THSD7B: variants seen among roughly 807,000 people sequenced by gnomAD.
The protein encoded by THSD7B is thrombospondin type 1 domain containing 7B, also known as thrombospondin type-1 domain-containing protein 7B.
A neutral mutation model predicts 213.6 loss-of-function variants in THSD7B; 138 were observed. The ratio of observed to expected loss-of-function variants is 0.65; its 90% CI spans 0.56 to 0.74. The LOEUF (loss-of-function observed/expected upper bound fraction) is 0.74. THSD7B is among the 30% of genes least tolerant of loss of function. The pLI is 0.00. For synonymous variants in THSD7B, 742 were observed against 687.0 expected (o/e 1.08, Z -1.25); for missense variants, 1,931 against 1,991.5 (o/e 0.97, Z 0.58).
At chr2:137,414,398 G>A (rs1402846343) in intron 14 of THSD7B, among the ~76,000 whole-genome samples, 1 of 151,788 alleles carries the variant, frequency 6.6e-6, no homozygotes, top group Non-Finnish European at 1.5e-5. Context: ...AAGACTTAGT[G>A]TGTGTGTGTG....
At chr2:137,652,136 G>A (rs889718036) in intron 21 of THSD7B, among the ~76,000 whole-genome samples, 3 of 151,998 alleles carry the variant, frequency 2.0e-5, no homozygotes, top group African/African-American at 7.2e-5. Context: ...CAATTACTGA[G>A]AGTGGAGTGT....
intron 17 of THSD7B, among the ~76,000 whole-genome samples, chr2:137,614,286 A>G (rs1356808808): frequency 6.6e-6 from 1 of 152,138 alleles, no homozygotes; most frequent in East Asian, 1.9e-4. Flanking sequence ...TCCCATCCCC[A>G]TTCTTCTTTC....
intron 20 of THSD7B, among the ~76,000 whole-genome samples, chr2:137,639,010 CA>C (rs1682886904): frequency 7.8e-6 from 1 of 128,508 alleles, no homozygotes; most frequent in Non-Finnish European, 1.7e-5. Context: ...AAGAAAAAGC[CA>C]TTTTTTTTTT....
At chr2:137,026,695 T>C (rs1686562308) in intron 2 of THSD7B, among the ~76,000 whole-genome samples, 1 of 152,164 alleles carries the variant, frequency 6.6e-6, no homozygotes, top group East Asian at 1.9e-4. Context: ...TAAGGCCACC[T>C]CCTGGCCATC....
At chr2:137,109,277 A>G (rs1216689659) in intron 4 of THSD7B, among the ~76,000 whole-genome samples, 1 of 152,118 alleles carries the variant, frequency 6.6e-6, no homozygotes, top group African/African-American at 2.4e-5. Context: ...AAATTGTCCA[A>G]CGATTTTCCA....
chr2:137,156,396 G>T (rs967484725), intron 5 of THSD7B, among the ~76,000 whole-genome samples: 1 of 152,166 alleles, frequency 6.6e-6, no homozygotes, highest in African/African-American at 2.4e-5. Context: ...AGGTGCTGAA[G>T]AGACATGACT....
chr2:137,239,683 A>G (rs918306576), intron 9 of THSD7B, among the ~76,000 whole-genome samples: 2 of 151,564 alleles, frequency 1.3e-5, no homozygotes, highest in Admixed American at 1.3e-4. Flanking sequence ...TCCTCTCCCA[A>G]CTCCTCCCAG....
intron 14 of THSD7B, among the ~76,000 whole-genome samples, chr2:137,444,573 G>T (rs1303352051): frequency 6.6e-6 from 1 of 151,810 alleles, no homozygotes; most frequent in Non-Finnish European, 1.5e-5. Flanking sequence ...ATATCCATGT[G>T]CAGAAGAATG....
chr2:137,624,627 GA>G (rs368070593), intron 20 of THSD7B, among the ~76,000 whole-genome samples: 50,805 of 151,928 alleles, frequency 0.33, 9,784 homozygotes, highest in African/African-American at 0.53. Context: ...AAATTTACAA[GA>G]AAAAAATCAA....
At chr2:137,434,632 A>T (rs1687255258) in intron 14 of THSD7B, among the ~76,000 whole-genome samples, 1 of 152,156 alleles carries the variant, frequency 6.6e-6, no homozygotes, top group African/African-American at 2.4e-5. Flanking sequence ...CAATGTGGGG[A>T]TGTAACTGCA....
chr2:136,869,823 C>T (rs1683401924), intron 1 of THSD7B, among the ~76,000 whole-genome samples: 2 of 152,154 alleles, frequency 1.3e-5, no homozygotes, highest in South Asian at 4.1e-4. Flanking sequence ...CCTGTAATCC[C>T]AGCACTTTGG....
At chr2:137,634,498 C>G (rs1175233720) in intron 20 of THSD7B, among the ~76,000 whole-genome samples, 1 of 152,114 alleles carries the variant, frequency 6.6e-6, no homozygotes, top group Non-Finnish European at 1.5e-5. Context: ...TCGACAATCT[C>G]TCTATTATTC....
chr2:136,926,874 G>A (rs1057176930), intron 2 of THSD7B, among the ~76,000 whole-genome samples: 1 of 151,036 alleles, frequency 6.6e-6, no homozygotes, highest in African/African-American at 2.5e-5. Flanking sequence ...TTTCCCTCAA[G>A]TGTTCTATAA....
At chr2:136,890,321 T>TCTCCTTCTCCTTCTCCTTCTC (rs1558839809) in intron 2 of THSD7B, among the ~76,000 whole-genome samples, 1 of 2,202 alleles carries the variant, frequency 4.5e-4, no homozygotes, top group African/African-American at 1.1e-3. Context: ...TTCTTCTTCT[T>TCTCCTTCTCCTTCTCCTTCTC]CTTCTTCTTC....
intron 12 of THSD7B, among the ~76,000 whole-genome samples, chr2:137,337,468 G>A (rs932467520): frequency 6.6e-6 from 1 of 152,072 alleles, no homozygotes; most frequent in Admixed American, 6.5e-5. Context: ...ATATCAACAT[G>A]TCTCATTACA....
rs75572487 is a variant in THSD7B, at chr2:137,003,791, C to T, written c.140-52629C>T. 5.5e-3 allele frequency among the ~76,000 whole-genome samples: 842 copies of T among 152,196 alleles called. 10 individuals carry two copies. Among genetic ancestry groups the T allele is most frequent in the African/African-American group, 0.019 (775 of 41,524 alleles). ...CTCAGGTGAAAGGTATCAGTTCCAGCTTACAGGTAAAGGAAAAAGAGTCAC... is the reference window on the plus strand; with the variant it reads ...CTCAGGTGAAAGGTATCAGTTCCAGTTTACAGGTAAAGGAAAAAGAGTCAC... On this transcript the variant is annotated intron_variant, in intron 2 of 27. Coordinates refer to ENST00000409968, the MANE Select transcript of THSD7B (RefSeq NM_001316349.2).
At chr2:136,976,963 A>G (rs1685491553) in intron 2 of THSD7B, among the ~76,000 whole-genome samples, 1 of 152,144 alleles carries the variant, frequency 6.6e-6, no homozygotes. Context: ...TTTTGGTATC[A>G]GGATGATGCT....
At chr2:136,957,381 G>A (rs377247802) in intron 2 of THSD7B, among the ~76,000 whole-genome samples, 2 of 151,854 alleles carry the variant, frequency 1.3e-5, no homozygotes, top group East Asian at 3.9e-4. Context: ...CACTGTATGA[G>A]CCCAGAGTCC....
chr2:137,134,441 C>A (rs971396756), intron 5 of THSD7B, among the ~76,000 whole-genome samples: 1 of 152,150 alleles, frequency 6.6e-6, no homozygotes, highest in African/African-American at 2.4e-5. Context: ...AAGGGGTACT[C>A]TGTGCACAAG....
Sources: gnomAD v4.1 joint callset for allele counts (sites outside exome capture counted in the v4.1 genomes callset) on GRCh38, gnomAD v4.1.1 for gene constraint, MANE v1.5 for transcripts, NCBI Gene and HGNC (gene_info 2026-07-23, HGNC 2026-07-21) for gene names.